TRPC5: variants seen among roughly 807,000 people sequenced by gnomAD.
TRPC5 encodes the protein short transient receptor potential channel 5.
TRPC5 carries 9 observed loss-of-function variants against 56.5 expected under a neutral mutation model. The ratio of observed to expected loss-of-function variants is 0.16; its 90% CI spans 0.10 to 0.28. The LOEUF (loss-of-function observed/expected upper bound fraction) is 0.28. Among genes scored for constraint, TRPC5 ranks in the 10% least tolerant of loss-of-function variants. TRPC5 has a pLI of 1.00. For missense variants in TRPC5, 469 were observed against 748.9 expected (o/e 0.63, Z 4.36); for synonymous variants, 282 against 278.5 (o/e 1.01, Z -0.13).
chrX:112,046,910 CA>C (rs752381268), intron 1 of TRPC5, among the ~76,000 whole-genome samples: 63 of 111,351 alleles, frequency 5.7e-4, no homozygotes, highest in Non-Finnish European at 1.1e-3. Context: ...ATCCTGACCA[CA>C]ATGTGTTTAT....
chrX:112,006,445 T>A (rs921513737), intron 1 of TRPC5, among the ~76,000 whole-genome samples: 1 of 111,803 alleles, frequency 8.9e-6, no homozygotes. Context: ...ATATTGACCT[T>A]ATGAGATAGG....
intron 2 of TRPC5, among the ~76,000 whole-genome samples, chrX:111,928,505 A>G (rs755405837): frequency 8.9e-5 from 10 of 112,326 alleles, no homozygotes; most frequent in Non-Finnish European, 1.7e-4. Flanking sequence ...CTCTGATATT[A>G]CTTCCAATTT....
chrX:111,799,782 T>C (rs766135932), intron 7 of TRPC5, among the ~76,000 whole-genome samples: 32 of 106,590 alleles, frequency 3.0e-4, no homozygotes, highest in African/African-American at 1.0e-3. Context: ...AAAAAAAGGG[T>C]AACAAATGAA....
intron 1 of TRPC5, among the ~76,000 whole-genome samples, chrX:112,053,270 G>T (rs1930261926): frequency 3.6e-5 from 4 of 111,886 alleles, no homozygotes. Flanking sequence ...ATTTAAATTG[G>T]TTTGGGGAAC....
intron 6 of TRPC5, among the ~76,000 whole-genome samples, chrX:111,836,961 T>C (rs184449836): frequency 8.9e-6 from 1 of 112,766 alleles, no homozygotes; most frequent in East Asian, 2.8e-4. Flanking sequence ...GCCTGGGCAA[T>C]GTGCACATGG....
intron 3 of TRPC5, among the ~76,000 whole-genome samples, chrX:111,905,894 G>C (rs1379118270): frequency 1.7e-4 from 15 of 86,699 alleles, no homozygotes; most frequent in African/African-American, 2.4e-4. Context: ...CAGCCTGGGC[G>C]ACAGAGCGAG....
At chrX:111,865,229 C>A (rs1056719103) in intron 3 of TRPC5, among the ~76,000 whole-genome samples, 2 of 109,784 alleles carry the variant, frequency 1.8e-5, no homozygotes, top group Admixed American at 2.0e-4. Context: ...TTACCCCCCC[C>A]AGCCTGGTCT....
rs888380235 is a variant in TRPC5 at position 111,887,698 on chromosome X, C to A, written c.900+24593G>T. Among the ~76,000 whole-genome samples the A allele has an allele frequency of 4.5e-5, 5 of 111,757 alleles. No individual in the cohort carries two copies. In the Admixed American group the frequency reaches 4.7e-4, roughly 11 times the overall value. ...GTAATTAAGATGATTAAATGGGATA[C>A]CATGTGAAAGCACTAGAAACATAAA... On this transcript the variant is annotated intron_variant, in intron 3 of 10. Coordinates refer to ENST00000262839, the MANE Select transcript of TRPC5 (RefSeq NM_012471.3).
intron 7 of TRPC5, among the ~76,000 whole-genome samples, chrX:111,788,749 A>G (rs1945991877): frequency 9.0e-6 from 1 of 111,254 alleles, no homozygotes; most frequent in African/African-American, 3.3e-5. Flanking sequence ...CAAAAATCAC[A>G]AGCATTCTTA....
At chrX:111,996,077 G>A (rs1483055026) in intron 1 of TRPC5, among the ~76,000 whole-genome samples, 2 of 110,720 alleles carry the variant, frequency 1.8e-5, no homozygotes. Flanking sequence ...TGTGATGTTA[G>A]GATGTCCATT....
chrX:112,081,338 A>G (rs1023058533), intron 1 of TRPC5, among the ~76,000 whole-genome samples: 9 of 111,862 alleles, frequency 8.0e-5, no homozygotes, highest in Non-Finnish European at 1.5e-4. Context: ...CCTTTAAGGA[A>G]GACAGGCAAA....
At chrX:111,945,472 T>TAC (rs1379117512) in intron 2 of TRPC5, among the ~76,000 whole-genome samples, 2 of 110,202 alleles carry the variant, frequency 1.8e-5, no homozygotes, top group South Asian at 7.9e-4. Context: ...ACATATAACA[T>TAC]ACACACACAC....
At chrX:112,042,325 A>G (rs1929914215) in intron 1 of TRPC5, among the ~76,000 whole-genome samples, 1 of 111,508 alleles carries the variant, frequency 9.0e-6, no homozygotes, top group Non-Finnish European at 1.9e-5. Flanking sequence ...GAACATTTGG[A>G]GGAAAAATAA....
intron 1 of TRPC5, among the ~76,000 whole-genome samples, chrX:112,027,974 A>G (rs747706967): frequency 1.9e-4 from 21 of 112,309 alleles, no homozygotes; most frequent in Non-Finnish European, 3.9e-4. Flanking sequence ...ACATCAACAA[A>G]GAATGTATGG....
intron 6 of TRPC5, among the ~76,000 whole-genome samples, chrX:111,844,058 T>C (rs1010417879): frequency 7.3e-5 from 8 of 109,918 alleles, no homozygotes; most frequent in Admixed American, 4.9e-4. Context: ...AAGAGTCCCA[T>C]ATGACTCCTA....
intron 1 of TRPC5, among the ~76,000 whole-genome samples, chrX:112,070,489 G>T (rs180715531): frequency 1.8e-5 from 2 of 111,188 alleles, no homozygotes; most frequent in East Asian, 5.7e-4. Flanking sequence ...AGAAAAGCTT[G>T]TCTCCAACCT....
At chrX:112,068,200 A>T (rs1450990576) in intron 1 of TRPC5, among the ~76,000 whole-genome samples, 1 of 112,432 alleles carries the variant, frequency 8.9e-6, no homozygotes, top group Non-Finnish European at 1.9e-5. Flanking sequence ...CTCTCCATTT[A>T]TAATATCTTT....
intron 7 of TRPC5, among the ~76,000 whole-genome samples, chrX:111,800,301 C>A (rs781342370): frequency 2.1e-4 from 23 of 111,521 alleles, no homozygotes; most frequent in Non-Finnish European, 4.0e-4. Flanking sequence ...ATTTTTCTTC[C>A]TTATGATTTT....
chrX:111,769,490 C>T lies in TRPC5; in HGVS notation c.*6823G>A, dbSNP rs149186747. Among the ~76,000 whole-genome samples, 1,332 of 111,637 alleles carry T rather than the reference C, an allele frequency of 0.012. 22 individuals are homozygous for T. The highest frequency in any genetic ancestry group is 0.041 in the African/African-American group (1,269 of 30,736). ...CTAGATTCCAGGATACAAAGGAGAA[C>T]AAGCATTCTTGAGGGGGTGATGGAG... On this transcript the variant is annotated 3_prime_UTR_variant, in exon 11 of 11. Transcript: ENST00000262839.
Sources: allele counts gnomAD v4.1 joint callset (sites outside exome capture counted in the v4.1 genomes callset), GRCh38; gene constraint gnomAD v4.1.1; transcripts MANE v1.5; gene names NCBI Gene and HGNC (gene_info 2026-07-23, HGNC 2026-07-21).